The following LRP2 variants were observed in gnomAD, a reference collection of about 807,000 sequenced individuals.
The protein encoded by LRP2 is LDL receptor related protein 2.
Under a neutral mutation model 531.0 loss-of-function variants are expected in LRP2, and 172 were observed. The observed-to-expected ratio is 0.32, with a 90% CI of 0.29 to 0.37. LRP2 has a LOEUF of 0.37. LRP2 is among the 10% of genes least tolerant of loss of function. The probability of loss-of-function intolerance (pLI) is 1.00; values close to 1 mark genes in which losing one functional copy is unlikely to be tolerated. For synonymous variants in LRP2, 1,992 were observed against 2,027.6 expected (o/e 0.98, Z 0.47); for missense variants, 5,167 against 5,868.3 (o/e 0.88, Z 3.90).
intron 13 of LRP2, 147 bp from the exon 14 acceptor site, chr2:169,275,385 G>A (rs1683526435): frequency 1.5e-6 from 1 of 683,996 alleles, no homozygotes; most frequent in Admixed American, 2.3e-5. Flanking sequence ...CATTTTAGAT[G>A]TATACATATT....
intron 31 of LRP2, among the ~76,000 whole-genome samples, chr2:169,230,855 T>A (rs556417282): frequency 6.6e-6 from 1 of 152,328 alleles, no homozygotes; most frequent in South Asian, 2.1e-4. Context: ...ATGAGATAAA[T>A]ATTAAATTGC....
In LRP2 at chr2:169,211,879, C is replaced by T. The variant is rs914036632; in HGVS notation, c.6280+89G>A. On this transcript the variant is annotated intron_variant, in intron 37 of 78. Transcript: ENST00000649046. The stretch of plus-strand genomic sequence containing the variant: ...AGGAAAGCTTCATTATGCACTGAAT[C>T]CACACATGAAGAAATGTTTTCATGG... 21 of 1,524,032 alleles carry T rather than the reference C, an allele frequency of 1.4e-5. No individual in the cohort carries two copies. The Middle Eastern group carries it at 5.1e-4, about 37-fold the overall frequency. The allele number at this position is 1,524,032 out of a possible 1,614,324, so 94.4% of individuals were successfully genotyped here.
At position 169,349,203 on chromosome 2, in the gene LRP2, G is replaced by A. The variant is rs541049565; in HGVS notation, c.79+13118C>T. On this transcript the variant is annotated intron_variant, in intron 1 of 78. Coordinates refer to ENST00000649046, the MANE Select transcript of LRP2 (RefSeq NM_004525.3). ...TACCTTATGTCAGATGGTGGTAAGC[G>A]CAATGGAGAAAGTAAATCAGGAAAG... Among the ~76,000 whole-genome samples the A allele has an allele frequency of 1.5e-4, 23 of 152,190 alleles. 1 individual carries two copies. The South Asian group carries it at 4.0e-3, about 26-fold the overall frequency.
In LRP2 at chr2:169,168,547, T is replaced by C; in HGVS notation, c.11627A>G (p.His3876Arg). The C allele has an allele frequency of 6.2e-7, 1 of 1,614,078 alleles. No homozygotes were observed. Among genetic ancestry groups the C allele is most frequent in the Non-Finnish European group, 8.5e-7 (1 of 1,179,950 alleles). The change falls in exon 61 of 79, where the codon CAC becomes CGC. Residue 3876 changes from histidine to arginine, a missense_variant. Around this residue, in one of 6 missense-constraint regions of LRP2, gnomAD observed 564 missense variants for 747.7 expected, o/e 0.75. Transcript: ENST00000649046. The stretch of plus-strand genomic sequence containing the variant: ...GTTTCTCTCCCTCTTACAGCACAGG[T>C]GAAGTTCTTCATCTGAACCATCGCC... ...DCGDGSDEEL[H>R]LCLDVPCNSP...
chr2:169,185,354 TCAGATA>T, intron 50 of LRP2, 143 bp downstream of exon 50: 1 of 698,870 alleles, frequency 1.4e-6, no homozygotes, highest in Non-Finnish European at 2.4e-6. Flanking sequence ...CATTTGAATA[TCAGATA>T]CAAAGCAGAA....
intron 17 of LRP2, among the ~76,000 whole-genome samples, chr2:169,258,783 T>C (rs898422952): frequency 6.6e-6 from 1 of 152,106 alleles, no homozygotes; most frequent in Non-Finnish European, 1.5e-5. Flanking sequence ...AAAAAACTAC[T>C]CTTCAGTGAA....
chr2:169,296,171 T>G (rs1249954112), intron 4 of LRP2, among the ~76,000 whole-genome samples: 1 of 152,158 alleles, frequency 6.6e-6, no homozygotes, highest in Non-Finnish European at 1.5e-5. Flanking sequence ...AGTAAAGGAA[T>G]AAGCCTAACT....
chr2:169,245,855 TTTGTTG>T (rs1005618610), intron 21 of LRP2, among the ~76,000 whole-genome samples: 1 of 152,138 alleles, frequency 6.6e-6, no homozygotes, highest in Admixed American at 6.5e-5. Flanking sequence ...ATTTTTGGTT[TTTGTTG>T]TTGTTGTTGT....
chr2:169,294,233 T>A lies in LRP2; in HGVS notation c.567A>T (p.Ser189=), dbSNP rs763270879. 4 of 1,613,030 alleles carry A rather than the reference T, an allele frequency of 2.5e-6. No homozygotes were observed. The highest frequency in any genetic ancestry group is 3.4e-6 in the Non-Finnish European group (4 of 1,179,034). Residue 189 remains serine (S), a synonymous_variant, in exon 6 of 79, where the codon TCA becomes TCT. Coordinates refer to ENST00000649046, the MANE Select transcript of LRP2 (RefSeq NM_004525.3). ...GAGGGATACACTCTCCATTGCCACA[T>A]GAAAACTCATTGTGCAAGCATATCT... ...CTEICLHNEF[S]CGNGECIPRA...
chr2:169,280,419 T>C lies in LRP2; in HGVS notation c.1272A>G (p.Gly424=). 6.2e-7 allele frequency: 1 copy of C among 1,614,162 alleles called. No individual in the cohort carries two copies. The highest frequency in any genetic ancestry group is 2.2e-5 in the East Asian group (1 of 44,884). ...FRILVESQNR[G]VAVGVAFHYH... ...AGTGGAAAGCCACACCCACGGCCACTCCACGATTCTGAGACTCCACTAGGA... is the reference window on the plus strand; with the variant it reads ...AGTGGAAAGCCACACCCACGGCCACCCCACGATTCTGAGACTCCACTAGGA... Residue 424 remains glycine, a synonymous_variant, in exon 11 of 79, where the codon GGA becomes GGG. Coordinates refer to ENST00000649046, the MANE Select transcript of LRP2 (RefSeq NM_004525.3).
chr2:169,361,402 C>T (rs1451850399), intron 1 of LRP2, among the ~76,000 whole-genome samples: 7 of 146,130 alleles, frequency 4.8e-5, no homozygotes, highest in African/African-American at 1.8e-4. Context: ...CTCTGTCTCT[C>T]TCCTCTCTCT....
rs1407664143 is a variant in LRP2, at chr2:169,204,092, T to C, written c.7895A>G (p.Asn2632Ser). The change falls in exon 42 of 79, where the codon AAT becomes AGT. Residue 2632 changes from asparagine to serine, a missense_variant. Asn to Ser is a conservative substitution (Grantham distance 46). Coordinates refer to ENST00000649046, the MANE Select transcript of LRP2 (RefSeq NM_004525.3). ...GATTCCCCTGGGCTGGGAGAGCAAATTTGTGGTCATTGCAATCTGACCTGA... is the reference window on the plus strand; with the variant it reads ...GATTCCCCTGGGCTGGGAGAGCAAACTTGTGGTCATTGCAATCTGACCTGA... ...DGSGQIAMTTNLLSQPRGINT... is the reference protein window; with the variant it reads ...DGSGQIAMTTSLLSQPRGINT... The C allele has an allele frequency of 1.2e-6, 2 of 1,614,064 alleles. No homozygotes were observed. The highest frequency in any genetic ancestry group is 2.2e-5 in the East Asian group (1 of 44,896).
intron 3 of LRP2, among the ~76,000 whole-genome samples, chr2:169,318,302 C>T (rs1684821260): frequency 6.6e-6 from 1 of 151,986 alleles, no homozygotes; most frequent in Admixed American, 6.6e-5. Context: ...TGGCAGCAGT[C>T]ACTGAAGTAA....
At chr2:169,235,729 C>T in intron 29 of LRP2, 111 bp downstream of exon 29, 1 of 808,792 alleles carries the variant, frequency 1.2e-6, no homozygotes, top group Non-Finnish European at 2.1e-6. Flanking sequence ...CTGGATTGAT[C>T]TGACAATGTC....
At position 169,241,314 on chromosome 2, in the gene LRP2, T is replaced by C. The variant is rs765665062; in HGVS notation, c.3719A>G (p.Asp1240Gly). ...CCAGAAGTTCGGGATGCAGATACCA[T>C]CTTCTTGGCACTGAAATTCATCTGA... ...CHSDEFQCQE[D>G]GICIPNFWEC... Residue 1240 changes from aspartate (D) to glycine (G), a missense_variant, in exon 25 of 79, where the codon GAT (aspartate) becomes GGT (glycine). By Grantham distance (94) the Asp-to-Gly change is moderately conservative (BLOSUM62 -1). This residue lies in a region of LRP2 where 2,811 missense variants were observed against 3,058.0 expected (regional missense o/e 0.92). Coordinates refer to ENST00000649046, the MANE Select transcript of LRP2 (RefSeq NM_004525.3). The C allele has an allele frequency of 1.9e-6, 3 of 1,614,144 alleles. No homozygotes were observed. The highest frequency in any genetic ancestry group is 1.7e-6 in the Non-Finnish European group (2 of 1,180,016).
chr2:169,228,408 T>C (rs1477157259), intron 31 of LRP2, among the ~76,000 whole-genome samples: 1 of 152,164 alleles, frequency 6.6e-6, no homozygotes, highest in Non-Finnish European at 1.5e-5. Flanking sequence ...CTGTTATTAA[T>C]GTTCACTGGC....
intron 44 of LRP2, among the ~76,000 whole-genome samples, chr2:169,201,109 T>C (rs1030461118): frequency 1.3e-5 from 2 of 152,244 alleles, no homozygotes; most frequent in Admixed American, 6.5e-5. Flanking sequence ...ATTAGTCAAG[T>C]CCAGAATGTG....
intron 7 of LRP2, among the ~76,000 whole-genome samples, chr2:169,291,268 C>T (rs1035016104): frequency 1.3e-5 from 2 of 152,212 alleles, no homozygotes; most frequent in East Asian, 3.9e-4. Context: ...CCTCAATTAT[C>T]GACAAACTAA....
intron 70 of LRP2, 81 bp from the exon 71 acceptor site, chr2:169,142,874 A>G: frequency 8.0e-6 from 12 of 1,508,672 alleles, no homozygotes; most frequent in Non-Finnish European, 1.1e-5. Context: ...TGGCTCTGCC[A>G]GGTGACAGCA....
Sources: allele counts gnomAD v4.1 joint callset (sites outside exome capture counted in the v4.1 genomes callset), GRCh38; gene constraint gnomAD v4.1.1; regional missense constraint gnomAD v4.1.1; transcripts MANE v1.5; gene names NCBI Gene and HGNC (gene_info 2026-07-23, HGNC 2026-07-21).